TEX29: variants seen among roughly 807,000 people sequenced by gnomAD.
The protein encoded by TEX29 is testis expressed 29.
Under a neutral mutation model 18.2 loss-of-function variants are expected in TEX29, and 26 were observed. The ratio of observed to expected loss-of-function variants is 1.43; its 90% CI spans 1.04 to 1.98. TEX29 has a LOEUF of 1.98. Among genes scored for constraint, TEX29 ranks in the 30% most tolerant of loss-of-function variants. TEX29 has a pLI of 0.00. For synonymous variants in TEX29, 83 were observed against 78.5 expected, an observed-to-expected ratio of 1.06 and a Z score of -0.31; for missense variants, 177 against 194.2, an observed-to-expected ratio of 0.91 and a Z score of 0.53.
intron 2 of TEX29, among the ~76,000 whole-genome samples, chr13:111,325,704 A>G (rs1218464835): frequency 6.6e-6 from 1 of 152,136 alleles, no homozygotes; most frequent in Non-Finnish European, 1.5e-5. Context: ...GTGGGTGTGG[A>G]GGGAAAATGG....
chr13:111,319,064 C>T (rs1310805315), upstream of TEX29, among the ~76,000 whole-genome samples: 1 of 152,118 alleles, frequency 6.6e-6, no homozygotes, highest in Non-Finnish European at 1.5e-5. Flanking sequence ...GGCACGATTC[C>T]CATTCGTGAG....
At chr13:111,329,103 G>A (rs2093678785) in intron 3 of TEX29, among the ~76,000 whole-genome samples, 1 of 152,216 alleles carries the variant, frequency 6.6e-6, no homozygotes, top group East Asian at 1.9e-4. Flanking sequence ...CAAGGTCCAC[G>A]TGAAGCTTCA....
intron 3 of TEX29, among the ~76,000 whole-genome samples, chr13:111,331,971 A>G (rs2093683415): frequency 6.6e-6 from 1 of 152,154 alleles, no homozygotes; most frequent in Admixed American, 6.5e-5. Context: ...TAAATTTTGA[A>G]ATCAGAATGT....
intron 2 of TEX29, among the ~76,000 whole-genome samples, chr13:111,321,297 A>G (rs994751386): frequency 6.6e-5 from 10 of 152,146 alleles, no homozygotes; most frequent in African/African-American, 2.2e-4. Flanking sequence ...GACTTTTTTA[A>G]TTAAGGAAAA....
chr13:111,329,559 T>A (rs1433273354), intron 3 of TEX29, among the ~76,000 whole-genome samples: 1 of 151,684 alleles, frequency 6.6e-6, no homozygotes, highest in Non-Finnish European at 1.5e-5. Flanking sequence ...CTGATGGAAA[T>A]TTCCAAGTAG....
At chr13:111,331,346 G>T (rs1477391808) in intron 3 of TEX29, among the ~76,000 whole-genome samples, 1 of 136,744 alleles carries the variant, frequency 7.3e-6, no homozygotes, top group African/African-American at 2.8e-5. Context: ...TGGCTATTTG[G>T]ATATCTTCTC....
chr13:111,324,054 G>A (rs1323925534), intron 2 of TEX29, among the ~76,000 whole-genome samples: 1 of 152,232 alleles, frequency 6.6e-6, no homozygotes, highest in Non-Finnish European at 1.5e-5. Context: ...TCCAGGTGGT[G>A]TCACAGCTCA....
intron 5 of TEX29, 45 bp from the exon 6 acceptor site, chr13:111,344,032 ACTGCTG>A: frequency 6.9e-7 from 1 of 1,445,404 alleles, no homozygotes; most frequent in Non-Finnish European, 9.7e-7. Context: ...TCTTTTCGGG[ACTGCTG>A]AATATTCCAT....
Position 111,320,967 on chromosome 13 carries a change from A to T in TEX29, c.58+19A>T, listed in dbSNP as rs1227482149. 4.5e-6 allele frequency: 1 copy of T among 220,226 alleles called. No homozygotes were observed. The highest frequency in any genetic ancestry group is 7.5e-6 in the Non-Finnish European group (1 of 132,960). 13.6% of individuals were successfully genotyped at this position (220,226 alleles called of 1,614,324 possible). A position where few individuals can be genotyped will look rare whatever the true frequency, so the allele number is the denominator to read the frequency against. ...TTCACAGGTATGGAGGGAAGGCGCC[A>T]GGGGGGCGGGTGGGGTGGGGGAGCA... is the stretch of plus-strand genomic sequence containing the variant. On this transcript the variant is annotated intron_variant, in intron 2 of 5. Coordinates refer to ENST00000283547, the MANE Select transcript of TEX29 (RefSeq NM_152324.3).
intron 2 of TEX29, among the ~76,000 whole-genome samples, chr13:111,326,799 G>A (rs1172803399): frequency 6.6e-6 from 1 of 152,138 alleles, no homozygotes; most frequent in Non-Finnish European, 1.5e-5. Flanking sequence ...AGAAAGTGGA[G>A]GCAGTGGCGG....
At chr13:111,340,230 T>C (rs977716549) in intron 4 of TEX29, among the ~76,000 whole-genome samples, 2 of 107,932 alleles carry the variant, frequency 1.9e-5, no homozygotes, top group African/African-American at 8.2e-5. Flanking sequence ...TCATAACCCA[T>C]GTTTAGTGAG....
intron 3 of TEX29, among the ~76,000 whole-genome samples, chr13:111,334,058 T>G (rs2093686327): frequency 6.6e-6 from 1 of 152,254 alleles, no homozygotes; most frequent in Admixed American, 6.5e-5. Flanking sequence ...CTTTGTCAAG[T>G]AAGTCCAATG....
chr13:111,328,961 G>C (rs2093678568), intron 3 of TEX29, among the ~76,000 whole-genome samples: 1 of 152,234 alleles, frequency 6.6e-6, no homozygotes, highest in Non-Finnish European at 1.5e-5. Context: ...TGTTCGAAGG[G>C]AGGTGGGAGA....
At chr13:111,335,809 G>A (rs1009161745) in intron 3 of TEX29, among the ~76,000 whole-genome samples, 2 of 152,184 alleles carry the variant, frequency 1.3e-5, no homozygotes, top group Non-Finnish European at 2.9e-5. Flanking sequence ...GTGTAAAGTG[G>A]TGTAAATGCA....
At chr13:111,321,075 A>G (rs1476600091) in intron 2 of TEX29, 127 bp downstream of exon 2, 5 of 1,027,088 alleles carry the variant, frequency 4.9e-6, no homozygotes, top group Admixed American at 4.9e-5. Flanking sequence ...TAGGAGGGCA[A>G]GGCAGCAAAA....
chr13:111,316,262 G>A, upstream of TEX29: 1 of 499,020 alleles, frequency 2.0e-6, no homozygotes, highest in South Asian at 1.5e-5. Flanking sequence ...GGCTCAGTAA[G>A]TATCTGTTGG....
intron 2 of TEX29, among the ~76,000 whole-genome samples, chr13:111,326,639 C>G (rs371353888): frequency 7.0e-6 from 1 of 142,902 alleles, no homozygotes; most frequent in African/African-American, 2.6e-5. Flanking sequence ...GAGGAGACCA[C>G]GGGCAGTGCG....
chr13:111,331,082 A>G (rs548408908), intron 3 of TEX29, among the ~76,000 whole-genome samples: 3 of 152,316 alleles, frequency 2.0e-5, no homozygotes, highest in Admixed American at 2.0e-4. Context: ...GAATTGCTGG[A>G]TCATATGTTA....
At chr13:111,317,357 T>C (rs1481818872), upstream of TEX29, among the ~76,000 whole-genome samples, 1 of 152,046 alleles carries the variant, frequency 6.6e-6, no homozygotes, top group Non-Finnish European at 1.5e-5. Flanking sequence ...TGGAATCAGC[T>C]GTCTTGTGTG....
Sources: gnomAD v4.1 joint callset for allele counts (sites outside exome capture counted in the v4.1 genomes callset) on GRCh38, gnomAD v4.1.1 for gene constraint, MANE v1.5 for transcripts, NCBI Gene and HGNC (gene_info 2026-07-23, HGNC 2026-07-21) for gene names.